ACTR3C: variants seen among roughly 807,000 people sequenced by gnomAD.
ACTR3C encodes the protein actin-related protein 3C.
In ACTR3C, 18 loss-of-function variants were observed where a neutral mutation model predicts 26.3. The ratio of observed to expected loss-of-function variants is 0.68; its 90% confidence interval spans 0.47 to 1.01. The LOEUF (loss-of-function observed/expected upper bound fraction) is 1.01, where lower values mean the gene tolerates loss of function less well. Among genes scored for constraint, ACTR3C ranks in the 50% least tolerant of loss-of-function variants. The pLI, the probability that ACTR3C is intolerant of heterozygous loss-of-function variation, is 0.00. For missense variants in ACTR3C, 184 were observed against 250.7 expected (o/e 0.73, Z 1.80); for synonymous variants, 55 against 94.5 (o/e 0.58, Z 2.42).
the ACTR3C span, among the ~76,000 whole-genome samples, chr7:150,043,628 C>T: frequency 6.6e-6 from 1 of 152,214 alleles, no homozygotes; most frequent in Non-Finnish European, 1.5e-5. Context: ...TGCAACTCTC[C>T]ATGCTCCTGC....
chr7:149,909,258 T>C, the ACTR3C span, among the ~76,000 whole-genome samples: 1 of 26,722 alleles, frequency 3.7e-5, no homozygotes, highest in Admixed American at 6.0e-4. Flanking sequence ...AGGCCTATCA[T>C]TTCCACCAAA....
the ACTR3C span, among the ~76,000 whole-genome samples, chr7:150,051,794 T>C: frequency 1.3e-5 from 2 of 151,328 alleles, no homozygotes; most frequent in Non-Finnish European, 2.9e-5. Flanking sequence ...GCAAAATATG[T>C]TGGATAGTCA....
chr7:150,062,266 C>T, the ACTR3C span: 5 of 44,434 alleles, frequency 1.1e-4, no homozygotes, highest in East Asian at 3.2e-3. Context: ...ACTGGTAGGT[C>T]ATATTTAAAA....
chr7:150,048,081 C>T, the ACTR3C span, among the ~76,000 whole-genome samples: 1 of 152,138 alleles, frequency 6.6e-6, no homozygotes, highest in Non-Finnish European at 1.5e-5. Flanking sequence ...CGGCGGCTCG[C>T]GAAGCCGGGG....
intron 1 of ACTR3C, among the ~76,000 whole-genome samples, chr7:150,312,037 T>A (rs1198936314): frequency 2.6e-5 from 4 of 152,170 alleles, no homozygotes; most frequent in Non-Finnish European, 5.9e-5. Flanking sequence ...AAGGCTGAGG[T>A]CATTCACTGT....
chr7:150,068,760 G>A, the ACTR3C span, among the ~76,000 whole-genome samples: 23 of 134,544 alleles, frequency 1.7e-4, no homozygotes, highest in African/African-American at 6.7e-4. Context: ...TCCAGCCTGG[G>A]TGACAGAGCG....
At chr7:150,225,002 T>TGTG in the ACTR3C span, among the ~76,000 whole-genome samples, 2 of 134,312 alleles carry the variant, frequency 1.5e-5, no homozygotes, top group Non-Finnish European at 3.1e-5. Context: ...CACACCCCCA[T>TGTG]TAGTGTGTGT....
At chr7:150,108,543 A>C in the ACTR3C span, among the ~76,000 whole-genome samples, 1 of 150,234 alleles carries the variant, frequency 6.7e-6, no homozygotes, top group Non-Finnish European at 1.5e-5. Flanking sequence ...TGGAAACTTA[A>C]TCCCCAATGC....
At chr7:149,912,915 T>C in the ACTR3C span, among the ~76,000 whole-genome samples, 1 of 152,196 alleles carries the variant, frequency 6.6e-6, no homozygotes, top group Non-Finnish European at 1.5e-5. Flanking sequence ...TTTATTCTAA[T>C]ATAATATCTT....
At chr7:150,150,683 T>TTCTTTACTCTTATTTCAA in the ACTR3C span, among the ~76,000 whole-genome samples, 1 of 139,358 alleles carries the variant, frequency 7.2e-6, no homozygotes, top group Non-Finnish European at 1.6e-5. Flanking sequence ...CCTTTTGGGT[T>TTCTTTACTCTTATTTCAA]TCTTTACTCT....
chr7:150,038,294 G>C, the ACTR3C span, among the ~76,000 whole-genome samples: 1,221 of 137,474 alleles, frequency 8.9e-3, 109 homozygotes, highest in African/African-American at 0.019. Flanking sequence ...CGTAGGCTAC[G>C]GGCCTCAGCC....
chr7:149,946,292 A>G, the ACTR3C span, among the ~76,000 whole-genome samples: 11 of 152,180 alleles, frequency 7.2e-5, no homozygotes, highest in African/African-American at 2.7e-4. Context: ...TCGTGCTGAG[A>G]CCATAAGATG....
chr7:149,970,752 C>G, the ACTR3C span, among the ~76,000 whole-genome samples: 1 of 152,162 alleles, frequency 6.6e-6, no homozygotes, highest in Admixed American at 6.5e-5. Flanking sequence ...GTTTTCCTAC[C>G]TCTCCCAGAA....
At chr7:150,158,190 A>G in the ACTR3C span, among the ~76,000 whole-genome samples, 4 of 152,168 alleles carry the variant, frequency 2.6e-5, no homozygotes, top group Non-Finnish European at 5.9e-5. Flanking sequence ...TCTAAATATA[A>G]TGAGTGTTGG....
chr7:149,904,482 G>A, the ACTR3C span, among the ~76,000 whole-genome samples: 1 of 149,816 alleles, frequency 6.7e-6, no homozygotes, highest in South Asian at 2.2e-4. Context: ...AGTGAGCTGA[G>A]ACTGTGCCAC....
the ACTR3C span, among the ~76,000 whole-genome samples, chr7:149,909,155 C>T: frequency 6.6e-6 from 1 of 151,426 alleles, no homozygotes; most frequent in Non-Finnish European, 1.5e-5. Flanking sequence ...GTAGAACGCC[C>T]CATGCCAAAC....
chr7:149,998,102 T>C, the ACTR3C span, among the ~76,000 whole-genome samples: 3,225 of 150,896 alleles, frequency 0.021, 55 homozygotes, highest in Non-Finnish European at 0.032. Flanking sequence ...GCAGGCAAAC[T>C]ATAGACATCC....
At chr7:150,064,649 T>TACACAC in the ACTR3C span, among the ~76,000 whole-genome samples, 1,593 of 145,222 alleles carry the variant, frequency 0.011, 14 homozygotes, top group Non-Finnish European at 0.015. Context: ...TATTTTCACA[T>TACACAC]ACACACACAC....
the ACTR3C span, among the ~76,000 whole-genome samples, chr7:150,033,744 C>G: frequency 6.6e-6 from 1 of 151,624 alleles, no homozygotes; most frequent in African/African-American, 2.4e-5. Context: ...GCTCTCAGTC[C>G]CCACCCTCGT....
Sources: allele counts gnomAD v4.1 joint callset (sites outside exome capture counted in the v4.1 genomes callset), GRCh38; gene constraint gnomAD v4.1.1; transcripts MANE v1.5; gene names NCBI Gene and HGNC (gene_info 2026-07-23, HGNC 2026-07-21).